HSPA13: variants seen among roughly 807,000 people sequenced by gnomAD.
HSPA13 encodes the protein heat shock protein family A (Hsp70) member 13.
In HSPA13, 29 loss-of-function variants were observed where a neutral mutation model predicts 38.8. That is an observed-to-expected ratio of 0.75 (90% CI 0.56 to 1.02). The LOEUF (loss-of-function observed/expected upper bound fraction) is 1.02, where lower values mean the gene tolerates loss of function less well. Among genes scored for constraint, HSPA13 ranks in the 50% least tolerant of loss-of-function variants. The probability of loss-of-function intolerance (pLI) is 0.00; values close to 1 mark genes in which losing one functional copy is unlikely to be tolerated. For missense variants in HSPA13, 451 were observed against 560.9 expected, an observed-to-expected ratio of 0.80 and a Z score of 1.98; for synonymous variants, 192 against 205.3, an observed-to-expected ratio of 0.94 and a Z score of 0.56.
chr21:14,381,804 A>T (rs1190000845), intron 1 of HSPA13, among the ~76,000 whole-genome samples: 5 of 152,304 alleles, frequency 3.3e-5, no homozygotes, highest in Non-Finnish European at 5.9e-5. Flanking sequence ...TTCTCTAATA[A>T]ATGTAATAAA....
At chr21:14,376,783 C>G (rs1191402222) in intron 3 of HSPA13, among the ~76,000 whole-genome samples, 1 of 152,198 alleles carries the variant, frequency 6.6e-6, no homozygotes, top group Non-Finnish European at 1.5e-5. Context: ...TTTCTCCATG[C>G]GTCTGCATGG....
intron 3 of HSPA13, 38 bp from the exon 4 acceptor site, chr21:14,375,857 G>C: frequency 1.3e-6 from 2 of 1,556,704 alleles, no homozygotes; most frequent in Admixed American, 1.7e-5. Flanking sequence ...TTCATGAGAG[G>C]ATGCGATCAA....
rs1333677814 is a variant in HSPA13 at position 14,372,600 on chromosome 21, G to A, written c.*1017C>T. 6.6e-6 allele frequency: 1 copy of A among 152,074 alleles called. No homozygotes were observed. The highest frequency in any genetic ancestry group is 1.5e-5 in the Non-Finnish European group (1 of 67,966). The allele number at this position is 152,074 out of a possible 1,614,324, so 9.4% of individuals were successfully genotyped here. ...AATAATAATAGAAAACAATAACACA[G>A]CTTTTATAATTGAGCACATTTTCCT... On this transcript the variant is annotated 3_prime_UTR_variant, in exon 5 of 5. Transcript: ENST00000285667.
rs757647191 is a variant in HSPA13, at chr21:14,374,082, G to A, written c.951C>T (p.Asp317=). 7 of 1,614,108 alleles carry A rather than the reference G, an allele frequency of 4.3e-6. No homozygotes were observed. The Admixed American group carries it at 8.3e-5, about 19-fold the overall frequency. The change falls in exon 5 of 5, where the codon GAC becomes GAT. Residue 317 remains aspartate, a synonymous_variant. Transcript: ENST00000285667. ...TGTCACTACTGTGAGGTTCCTTCCT[G>A]TCCTGCTCCTCCACCGTTAGTAATA... is the stretch of plus-strand genomic sequence containing the variant. ...LSVLLTVEEQ[D]RKEPHSSDTE...
intron 2 of HSPA13, among the ~76,000 whole-genome samples, chr21:14,379,439 G>C (rs945511097): frequency 8.5e-5 from 13 of 152,092 alleles, no homozygotes; most frequent in African/African-American, 3.1e-4. Context: ...TACTTCACTA[G>C]TCTGGGGAAA....
chr21:14,374,287 G>T lies in HSPA13; in HGVS notation c.749-3C>A, dbSNP rs1296454218. On this transcript the variant is annotated splice_polypyrimidine_tract_variant and splice_region_variant and intron_variant, in intron 4 of 4. Coordinates refer to ENST00000285667, the MANE Select transcript of HSPA13 (RefSeq NM_006948.5). ...CTGTCCTCCAAGTTTATTGTTTCCT[G>T]AGTGAAAAATAAAAGTTTAATATAG... is the stretch of plus-strand genomic sequence containing the variant. 6.3e-7 allele frequency: 1 copy of T among 1,598,680 alleles called. No homozygotes were observed. Among genetic ancestry groups the T allele is most frequent in the Non-Finnish European group, 8.5e-7 (1 of 1,174,468 alleles).
At chr21:14,383,029 G>A (rs1396879315) in intron 1 of HSPA13, 66 bp downstream of exon 1, 2 of 1,568,798 alleles carry the variant, frequency 1.3e-6, no homozygotes, top group South Asian at 1.1e-5. Context: ...AACCACCCCT[G>A]CCCACTCTGG....
chr21:14,375,877 TC>T (rs1350549146), intron 3 of HSPA13, 58 bp from the exon 4 acceptor site: 6 of 1,357,978 alleles, frequency 4.4e-6, no homozygotes, highest in Non-Finnish European at 4.2e-6. Flanking sequence ...AGTAATCTCT[TC>T]CCACTTACAG....
chr21:14,380,164 T>G (rs1984131408), intron 2 of HSPA13, among the ~76,000 whole-genome samples: 1 of 143,936 alleles, frequency 6.9e-6, no homozygotes, highest in Non-Finnish European at 1.5e-5. Flanking sequence ...CATAAACGTA[T>G]TAAGAGGGAA....
rs1219516332 is a variant in HSPA13, at chr21:14,373,576, T to C, written c.*41A>G. 1.4e-6 allele frequency: 2 copies of C among 1,477,420 alleles called. No individual in the cohort carries two copies. Among genetic ancestry groups the C allele is most frequent in the Non-Finnish European group, 1.8e-6 (2 of 1,083,218 alleles). The allele number at this position is 1,477,420 out of a possible 1,614,324, so 91.5% of individuals were successfully genotyped here. Reference sequence around the variant, plus strand: ...AGGTAATCTGATAAATGGGAAGAGATCATCAGACAAGTTCACAAATAACCA... The same window carrying C: ...AGGTAATCTGATAAATGGGAAGAGACCATCAGACAAGTTCACAAATAACCA... On this transcript the variant is annotated 3_prime_UTR_variant, in exon 5 of 5. Transcript: ENST00000285667.
At chr21:14,376,974 T>G (rs1325509194) in intron 3 of HSPA13, among the ~76,000 whole-genome samples, 1 of 152,240 alleles carries the variant, frequency 6.6e-6, no homozygotes, top group African/African-American at 2.4e-5. Flanking sequence ...TCAGTGGCTC[T>G]CAACAAGACA....
rs1377632503 is a variant in HSPA13, at chr21:14,374,257, A to T, written c.776T>A (p.Phe259Tyr). 3.7e-6 allele frequency: 6 copies of T among 1,609,544 alleles called. No homozygotes were observed. The highest frequency in any genetic ancestry group is 5.1e-6 in the Non-Finnish European group (6 of 1,179,154). ...TAAGTACTGAAGCAATCTCTGATTG[A>T]AGTCCTGTCCTCCAAGTTTATTGTT... ...SGNNKLGGQD[F>Y]NQRLLQYLYK... Residue 259 changes from phenylalanine (F) to tyrosine (Y), a missense_variant, in exon 5 of 5, where the codon TTC (phenylalanine) becomes TAC (tyrosine). Coordinates refer to ENST00000285667, the MANE Select transcript of HSPA13 (RefSeq NM_006948.5).
Position 14,380,110 on chromosome 21 carries a change from T to C in HSPA13, c.366+1093A>G, listed in dbSNP as rs377670927. 7.7e-4 allele frequency among the ~76,000 whole-genome samples: 116 copies of C among 150,552 alleles called. No individual in the cohort carries two copies. In the South Asian group the frequency reaches 0.024, roughly 31 times the overall value. On this transcript the variant is annotated intron_variant, in intron 2 of 4. Transcript: ENST00000285667. ...ACTCCACATGGAAAAAAGCTTTAAA[T>C]GTTTAAAAGAAAAAAAAAGCAGCGA...
In HSPA13 at chr21:14,374,147, T is replaced by A; in HGVS notation, c.886A>T (p.Lys296Ter). ...HRLRQAVEMV[K>*]LNLTLHQSAQ... ...GATTGATGAAGAGTCAGATTTAATT[T>A]GACCATTTCCACAGCTTGTCTCAAT... The change falls in exon 5 of 5, where the codon AAA (lysine) becomes TAA (stop). Residue 296 changes from lysine (K) to a stop codon, truncating the protein, a stop_gained. Transcript: ENST00000285667. LOFTEE classifies it high-confidence loss of function. 3 of 1,614,122 alleles carry A rather than the reference T, an allele frequency of 1.9e-6. No individual in the cohort carries two copies. The highest frequency in any genetic ancestry group is 2.5e-6 in the Non-Finnish European group (3 of 1,180,026).
At chr21:14,375,293 C>T (rs917818126) in intron 4 of HSPA13, among the ~76,000 whole-genome samples, 2 of 151,980 alleles carry the variant, frequency 1.3e-5, no homozygotes, top group African/African-American at 2.4e-5. Flanking sequence ...TGTATTTATG[C>T]GACTTATAGG....
intron 1 of HSPA13, 57 bp from the exon 2 acceptor site, chr21:14,381,600 T>C: frequency 7.2e-7 from 1 of 1,387,492 alleles, no homozygotes; most frequent in Non-Finnish European, 9.6e-7. Flanking sequence ...ATGTACTAAA[T>C]TACTGTAGCA....
rs764779504 is a variant in HSPA13, at chr21:14,378,412, C to A, written c.367G>T (p.Val123Phe). The part of the protein sequence containing the change: ...EAEIGRYPFK[V>F]LNKNGMVEFS... ...TCAACCATTCCATTTTTGTTTAAAA[C>A]CTGTGAATAGGATTTGCAAATAAGT... The change falls in exon 3 of 5, where the codon GTT (valine) becomes TTT (phenylalanine). Residue 123 changes from valine to phenylalanine, a missense_variant and splice_region_variant. Physicochemically the swap from Val to Phe is conservative, Grantham distance 50. Transcript: ENST00000285667. The A allele has an allele frequency of 4.4e-6, 7 of 1,605,554 alleles. No individual in the cohort carries two copies. The South Asian group carries it at 5.5e-5, about 13-fold the overall frequency.
Position 14,381,499 on chromosome 21 carries a change from G to A in HSPA13, c.70C>T (p.Gln24Ter), listed in dbSNP as rs773538239. Residue 24 changes from glutamine (Q) to a stop codon, truncating the protein, a stop_gained, in exon 2 of 5, where the codon CAG becomes TAG. Transcript: ENST00000285667. LOFTEE classifies it high-confidence loss of function. ...TLLLAGYLAQ[Q>*]YLPLPTPKVI... Reference sequence around the variant, plus strand: ...TTAGGAGTAGGCAATGGTAAATACTGTTGTGCCAAATAGCCGGCCAACAGG... The same window carrying A: ...TTAGGAGTAGGCAATGGTAAATACTATTGTGCCAAATAGCCGGCCAACAGG... 5.6e-6 allele frequency: 9 copies of A among 1,605,876 alleles called. No homozygotes were observed. The highest frequency in any genetic ancestry group is 6.8e-6 in the Non-Finnish European group (8 of 1,173,148).
Position 14,381,543 on chromosome 21 carries a change from C to T in HSPA13, c.26G>A (p.Gly9Glu), listed in dbSNP as rs1568723902. 1.3e-6 allele frequency: 2 copies of T among 1,582,240 alleles called. No homozygotes were observed. The highest frequency in any genetic ancestry group is 2.7e-5 in the African/African-American group (2 of 73,696). Residue 9 changes from glycine (G) to glutamate (E), a missense_variant and splice_region_variant, in exon 2 of 5, where the codon GGA becomes GAA. Transcript: ENST00000285667. MAREMTILGSAVLTLLLAG... is the reference protein window; with the variant it reads MAREMTILESAVLTLLLAG... Reference sequence around the variant, plus strand: ...CAACAGGAGAGTCAAAACAGCCGATCCTGAAATAAAGGAAAATTAAAAGAT... The same window carrying T: ...CAACAGGAGAGTCAAAACAGCCGATTCTGAAATAAAGGAAAATTAAAAGAT...
Sources: gnomAD v4.1 joint callset for allele counts (sites outside exome capture counted in the v4.1 genomes callset) on GRCh38, gnomAD v4.1.1 for gene constraint, MANE v1.5 for transcripts, NCBI Gene and HGNC (gene_info 2026-07-23, HGNC 2026-07-21) for gene names.